Variants in GPC5 observed in about 807,000 individuals in gnomAD.
GPC5 encodes glypican-5.
Under a neutral mutation model 53.9 loss-of-function variants are expected in GPC5, and 47 were observed. That is an observed-to-expected ratio of 0.87 (90% confidence interval 0.69 to 1.11). The LOEUF is 1.11. Ranked by LOEUF, GPC5 falls within the 50% of genes most tolerant of loss-of-function variation. The pLI is 0.00. For missense variants in GPC5, 748 were observed against 713.1 expected (o/e 1.05, Z -0.56); for synonymous variants, 286 against 263.3 (o/e 1.09, Z -0.84).
intron 5 of GPC5, among the ~76,000 whole-genome samples, chr13:91,769,725 A>G (rs2037587999): frequency 1.3e-5 from 2 of 152,080 alleles, no homozygotes; most frequent in South Asian, 2.1e-4. Flanking sequence ...ATTTTATTCT[A>G]TGTGCTTTGA....
chr13:92,417,055 C>A (rs921399144), intron 7 of GPC5, among the ~76,000 whole-genome samples: 1 of 152,196 alleles, frequency 6.6e-6, no homozygotes. Flanking sequence ...TAAGTAAGTA[C>A]ACTTCGTGTA....
intron 6 of GPC5, among the ~76,000 whole-genome samples, chr13:91,985,902 T>G (rs562067150): frequency 1.3e-5 from 2 of 151,478 alleles, no homozygotes; most frequent in Non-Finnish European, 2.9e-5. Flanking sequence ...GCAAAAAAGA[T>G]GAAAACCAAA....
In GPC5 at chr13:91,743,736, T is replaced by G. The variant is rs1281753294; in HGVS notation, c.1155-12559T>G. Among the ~76,000 whole-genome samples the G allele has an allele frequency of 2.0e-5, 3 of 152,288 alleles. No homozygotes were observed. The East Asian group carries it at 5.8e-4, about 29-fold the overall frequency. On this transcript the variant is annotated intron_variant, in intron 4 of 7. Transcript: ENST00000377067. Reference sequence around the variant, plus strand: ...AGACACTTCCTTTCCCTTTTTCATCTTCAGTCCAAAACACAAATCAGATTA... The same window carrying G: ...AGACACTTCCTTTCCCTTTTTCATCGTCAGTCCAAAACACAAATCAGATTA...
intron 6 of GPC5, among the ~76,000 whole-genome samples, chr13:91,983,588 T>C (rs2040380405): frequency 6.6e-6 from 1 of 152,106 alleles, no homozygotes; most frequent in Admixed American, 6.5e-5. Context: ...CCACTATTCC[T>C]TGGAAGCTCA....
intron 6 of GPC5, among the ~76,000 whole-genome samples, chr13:91,971,650 A>T (rs2040243356): frequency 6.6e-6 from 1 of 151,946 alleles, no homozygotes; most frequent in Non-Finnish European, 1.5e-5. Flanking sequence ...TGTCCCAGAG[A>T]TTCTGGTATG....
chr13:92,664,207 G>A (rs1204875982), intron 7 of GPC5, among the ~76,000 whole-genome samples: 1 of 151,994 alleles, frequency 6.6e-6, no homozygotes, highest in Non-Finnish European at 1.5e-5. Flanking sequence ...TGAATCATCA[G>A]AAATCAAATA....
chr13:91,435,536 C>T (rs1356225463), intron 1 of GPC5, among the ~76,000 whole-genome samples: 23 of 152,090 alleles, frequency 1.5e-4, no homozygotes, highest in Admixed American at 1.5e-3. Context: ...GGGATGAAGC[C>T]CACTTGATCA....
chr13:92,039,116 G>A (rs907775650), intron 6 of GPC5, among the ~76,000 whole-genome samples: 7 of 152,182 alleles, frequency 4.6e-5, no homozygotes, highest in African/African-American at 1.7e-4. Flanking sequence ...CCAGACTGCA[G>A]TGGGTTTGGG....
intron 2 of GPC5, among the ~76,000 whole-genome samples, chr13:91,521,048 T>TA (rs1885786442): frequency 6.6e-6 from 1 of 152,118 alleles, no homozygotes; most frequent in African/African-American, 2.4e-5. Context: ...TATGGAGGTT[T>TA]AAAAAAAGAT....
intron 6 of GPC5, among the ~76,000 whole-genome samples, chr13:91,976,067 A>G (rs1026706220): frequency 6.6e-6 from 1 of 152,162 alleles, no homozygotes. Context: ...TAGGAATTGA[A>G]CAATGAGAAC....
At chr13:92,153,168 T>C (rs879092816) in intron 7 of GPC5, among the ~76,000 whole-genome samples, 1 of 152,172 alleles carries the variant, frequency 6.6e-6, no homozygotes, top group South Asian at 2.1e-4. Flanking sequence ...ACTGAGTCTC[T>C]GTCACCTAGG....
rs1378412501 is a variant in GPC5 at position 91,750,673 on chromosome 13, C to T, written c.1155-5622C>T. 4.0e-5 allele frequency among the ~76,000 whole-genome samples: 4 copies of T among 99,112 alleles called. No individual in the cohort carries two copies. The East Asian group carries it at 7.1e-4, about 18-fold the overall frequency. The allele number at this position is 99,112 out of a possible 152,430, so 65.0% of individuals were successfully genotyped here. On this transcript the variant is annotated intron_variant, in intron 4 of 7. Coordinates refer to ENST00000377067, the MANE Select transcript of GPC5 (RefSeq NM_004466.6). ...ATTTGCTCTGTGGTAGTAGGTAAGT[C>T]CTTTTTTTTTTTTTTTTTTTTTTTG...
At chr13:92,232,943 G>T (rs748511198) in intron 7 of GPC5, among the ~76,000 whole-genome samples, 5 of 152,176 alleles carry the variant, frequency 3.3e-5, no homozygotes, top group Non-Finnish European at 7.3e-5. Flanking sequence ...GAACTTCTTA[G>T]TGTATATGAA....
In GPC5 at chr13:92,559,144, C is replaced by T. The variant is rs980090432; in HGVS notation, c.1562-307138C>T. On this transcript the variant is annotated intron_variant, in intron 7 of 7. Transcript: ENST00000377067. ...TACAGGAGCATACATCACCCAGCAACGGACGAAAATGAAAGGGACAACTTC... is the reference window on the plus strand; with the variant it reads ...TACAGGAGCATACATCACCCAGCAATGGACGAAAATGAAAGGGACAACTTC... 2.0e-4 allele frequency among the ~76,000 whole-genome samples: 30 copies of T among 148,078 alleles called. 1 individual carries two copies. The highest frequency in any genetic ancestry group is 3.4e-4 in the Admixed American group (5 of 14,758).
At chr13:92,207,930 C>T (rs1296648935) in intron 7 of GPC5, among the ~76,000 whole-genome samples, 1 of 152,214 alleles carries the variant, frequency 6.6e-6, no homozygotes, top group Non-Finnish European at 1.5e-5. Flanking sequence ...TTGTAGCTCC[C>T]AAGGGCTATT....
At chr13:91,829,328 A>T (rs2038620598) in intron 5 of GPC5, among the ~76,000 whole-genome samples, 1 of 152,110 alleles carries the variant, frequency 6.6e-6, no homozygotes, top group Admixed American at 6.6e-5. Flanking sequence ...ATTAGAGACT[A>T]AAGCAATATG....
intron 7 of GPC5, among the ~76,000 whole-genome samples, chr13:92,585,143 C>A (rs920404012): frequency 6.6e-6 from 1 of 152,060 alleles, no homozygotes. Flanking sequence ...GGGCCACTAT[C>A]CTTCAGACCC....
intron 7 of GPC5, among the ~76,000 whole-genome samples, chr13:92,389,920 A>T (rs1360281679): frequency 6.6e-6 from 1 of 152,176 alleles, no homozygotes; most frequent in African/African-American, 2.4e-5. Context: ...AAACAGGTAA[A>T]ATTCTGTAAT....
At chr13:91,991,460 T>A (rs9589389) in intron 6 of GPC5, among the ~76,000 whole-genome samples, 4,329 of 152,322 alleles carry the variant, frequency 0.028, 188 homozygotes, top group African/African-American at 0.098. Flanking sequence ...TTACTAGTAC[T>A]ATCTTTCATA....
Sources: allele counts gnomAD v4.1 joint callset (sites outside exome capture counted in the v4.1 genomes callset), GRCh38; gene constraint gnomAD v4.1.1; transcripts MANE v1.5; gene names NCBI Gene and HGNC (gene_info 2026-07-23, HGNC 2026-07-21).